The following TTLL5 variants were observed in gnomAD, a reference collection of about 807,000 sequenced individuals.
The protein encoded by TTLL5 is tubulin polyglutamylase TTLL5.
A neutral mutation model predicts 168.4 loss-of-function variants in TTLL5; 132 were observed. The ratio of observed to expected loss-of-function variants is 0.78; its 90% CI spans 0.68 to 0.91. The LOEUF (loss-of-function observed/expected upper bound fraction) is 0.91, where lower values mean the gene tolerates loss of function less well. Ranked by LOEUF, TTLL5 falls within the 40% of genes least tolerant of loss-of-function variation. The pLI is 0.00. For synonymous variants in TTLL5, 546 were observed against 558.6 expected (o/e 0.98, Z 0.32); for missense variants, 1,545 against 1,581.5 (o/e 0.98, Z 0.39).
chr14:75,759,612 A>G (rs1890504129), intron 18 of TTLL5, among the ~76,000 whole-genome samples: 1 of 152,136 alleles, frequency 6.6e-6, no homozygotes, highest in Non-Finnish European at 1.5e-5. Flanking sequence ...AATATCCTTC[A>G]TGAACATAGA....
At chr14:75,869,013 AGTGTGTGTGTGTGTGTGTGTGTGTGTGT>A (rs3138589) in intron 29 of TTLL5, among the ~76,000 whole-genome samples, 1 of 124,418 alleles carries the variant, frequency 8.0e-6, no homozygotes, top group Admixed American at 8.0e-5. Flanking sequence ...AGAGGGGAGG[AGTGTGTGTGTGTGTGTGTGTGTGTGTGT>A]GTGTGTGTGT....
intron 6 of TTLL5, among the ~76,000 whole-genome samples, chr14:75,698,412 T>A (rs542377857): frequency 6.6e-6 from 1 of 150,486 alleles, no homozygotes; most frequent in East Asian, 1.9e-4. Context: ...TTACAGTGAA[T>A]TTTTTTTTAT....
chr14:75,705,574 C>A (rs1373398968), intron 7 of TTLL5, among the ~76,000 whole-genome samples: 2 of 152,086 alleles, frequency 1.3e-5, no homozygotes, highest in Non-Finnish European at 2.9e-5. Context: ...CACTCTGATT[C>A]TTTTTTAATC....
chr14:75,806,829 C>A (rs1262990201), intron 27 of TTLL5, among the ~76,000 whole-genome samples: 1 of 152,038 alleles, frequency 6.6e-6, no homozygotes, highest in East Asian at 1.9e-4. Flanking sequence ...ATTTTTTTCA[C>A]CAGTTTTTTC....
chr14:75,838,012 C>T (rs1374673060), intron 28 of TTLL5: 1 of 152,168 alleles, frequency 6.6e-6, no homozygotes, highest in African/African-American at 2.4e-5. Flanking sequence ...TTTCACCTCC[C>T]TGTTTTCAGT....
intron 26 of TTLL5, among the ~76,000 whole-genome samples, chr14:75,786,508 T>A (rs966777576): frequency 1.3e-5 from 2 of 152,206 alleles, no homozygotes; most frequent in African/African-American, 4.8e-5. Context: ...TTATTTCCAC[T>A]GTGGTCAGAG....
chr14:75,766,480 G>A, intron 20 of TTLL5, 112 bp downstream of exon 20: 3 of 1,054,076 alleles, frequency 2.8e-6, no homozygotes, highest in Admixed American at 2.9e-5. Flanking sequence ...ATTTACAGAA[G>A]TCCTATGAAA....
At chr14:75,816,615 A>C (rs1294267047) in intron 27 of TTLL5, among the ~76,000 whole-genome samples, 1 of 152,162 alleles carries the variant, frequency 6.6e-6, no homozygotes, top group Non-Finnish European at 1.5e-5. Context: ...AAGTGTGCAC[A>C]TTGTTTATTT....
chr14:75,799,989 TTC>T (rs1893195503), intron 27 of TTLL5, among the ~76,000 whole-genome samples: 1 of 152,254 alleles, frequency 6.6e-6, no homozygotes, highest in Non-Finnish European at 1.5e-5. Flanking sequence ...TTCTTTGAGC[TTC>T]TCCTGTTTGG....
chr14:75,900,464 C>T (rs907410392), intron 30 of TTLL5, among the ~76,000 whole-genome samples: 2 of 152,164 alleles, frequency 1.3e-5, no homozygotes, highest in Non-Finnish European at 2.9e-5. Context: ...CCTCATACCA[C>T]TTTGCTCTTT....
chr14:75,764,854 A>G, intron 19 of TTLL5, 82 bp downstream of exon 19: 2 of 1,499,974 alleles, frequency 1.3e-6, no homozygotes, highest in South Asian at 1.2e-5. Flanking sequence ...TCAGTATTTC[A>G]TGAGTCAGAA....
chr14:75,717,271 C>T (rs536447172), intron 9 of TTLL5, among the ~76,000 whole-genome samples: 3 of 151,932 alleles, frequency 2.0e-5, no homozygotes, highest in South Asian at 4.2e-4. Context: ...CACACTACCA[C>T]GCCTGCTTAA....
In TTLL5 at chr14:75,687,667, G is replaced by A. The variant is rs1026958383; in HGVS notation, c.372-2525G>A. 1.6e-4 allele frequency among the ~76,000 whole-genome samples: 25 copies of A among 152,194 alleles called. 1 individual carries two copies. Among genetic ancestry groups the A allele is most frequent in the Admixed American group, 1.4e-3 (21 of 15,290 alleles). ...AAGCTATGGACTGGAGAAAATATTT[G>A]CAAAACACATAACTGATAAAGAATT... is the stretch of plus-strand genomic sequence containing the variant. On this transcript the variant is annotated intron_variant, in intron 5 of 31. Transcript: ENST00000298832.
chr14:75,906,539 T>G, intron 31 of TTLL5: 1 of 985,800 alleles, frequency 1.0e-6, no homozygotes, highest in Non-Finnish European at 1.2e-6. Flanking sequence ...TAGAGATACT[T>G]TTTTCCATTT....
intron 7 of TTLL5, among the ~76,000 whole-genome samples, chr14:75,705,194 A>T (rs1395225453): frequency 1.3e-5 from 2 of 152,222 alleles, no homozygotes; most frequent in African/African-American, 4.8e-5. Context: ...TTAGGGATGA[A>T]TCAGTAATGA....
chr14:75,830,329 T>A (rs1895490474), intron 28 of TTLL5, among the ~76,000 whole-genome samples: 1 of 152,238 alleles, frequency 6.6e-6, no homozygotes, highest in Non-Finnish European at 1.5e-5. Context: ...ATAAGTTCAG[T>A]GTCAGCCAAG....
chr14:75,734,141 G>A (rs1049857941), intron 14 of TTLL5, 91 bp downstream of exon 14: 3 of 1,221,562 alleles, frequency 2.5e-6, no homozygotes, highest in Non-Finnish European at 3.6e-6. Flanking sequence ...CAACTGGCAG[G>A]TCCTAAGCCA....
intron 23 of TTLL5, among the ~76,000 whole-genome samples, chr14:75,778,372 G>A (rs1244736140): frequency 1.3e-5 from 2 of 152,188 alleles, no homozygotes; most frequent in African/African-American, 4.8e-5. Flanking sequence ...TATGAAGTGG[G>A]CAAAGGATAA....
chr14:75,930,344 C>G (rs1365395009), intron 31 of TTLL5, among the ~76,000 whole-genome samples: 1 of 152,120 alleles, frequency 6.6e-6, no homozygotes, highest in Non-Finnish European at 1.5e-5. Flanking sequence ...TATACCTAAT[C>G]TACAAATGCA....
Sources: allele counts gnomAD v4.1 joint callset (sites outside exome capture counted in the v4.1 genomes callset), GRCh38; gene constraint gnomAD v4.1.1; transcripts MANE v1.5; gene names NCBI Gene and HGNC (gene_info 2026-07-23, HGNC 2026-07-21).